The following DMD variants were observed in gnomAD, a reference collection of about 807,000 sequenced individuals.
DMD encodes the protein dystrophin.
DMD carries 63 observed loss-of-function variants against 330.1 expected under a neutral mutation model. The observed-to-expected ratio is 0.19, with a 90% CI of 0.16 to 0.24. The LOEUF (loss-of-function observed/expected upper bound fraction) is 0.24, where lower values mean the gene tolerates loss of function less well. Ranked by LOEUF, DMD falls within the 10% of genes least tolerant of loss-of-function variation. The pLI is 1.00. For synonymous variants in DMD, 1,223 were observed against 959.8 expected, an observed-to-expected ratio of 1.27 and a Z score of -5.07; for missense variants, 3,344 against 2,684.1, an observed-to-expected ratio of 1.25 and a Z score of -5.43.
At chrX:32,515,713 A>T (rs2045791703) in intron 18 of DMD, among the ~76,000 whole-genome samples, 1 of 111,556 alleles carries the variant, frequency 9.0e-6, no homozygotes, top group African/African-American at 3.3e-5. Context: ...TAGAATATTG[A>T]TTCTCGAGCC....
At chrX:32,899,642 C>A (rs754091117) in intron 2 of DMD, among the ~76,000 whole-genome samples, 2 of 101,578 alleles carry the variant, frequency 2.0e-5, no homozygotes, top group African/African-American at 7.3e-5. Context: ...TCACTGCACT[C>A]CAGCCTGGAC....
chrX:31,951,161 A>ATATATATATATATGTATATATATATG (rs2095170987), intron 45 of DMD, among the ~76,000 whole-genome samples: 1 of 86,951 alleles, frequency 1.2e-5, no homozygotes, highest in Non-Finnish European at 2.2e-5. Context: ...ATATATATGT[A>ATATATATATATATGTATATATATATG]TATATATATA....
At chrX:32,044,522 C>T (rs752173546) in intron 44 of DMD, among the ~76,000 whole-genome samples, 33 of 110,552 alleles carry the variant, frequency 3.0e-4, no homozygotes, top group Non-Finnish European at 4.5e-4. Flanking sequence ...CCCAGGTTCA[C>T]GCCATTCTCC....
rs57297863 is a variant in DMD at position 33,136,278 on chromosome X, C to CAAAAAAAA, written c.31+74996_31+75003dup. ...TGGGTGGCAGAGTGAGACCCCGTCTCAAAAAAAAAAAAAAAAAAAAAAAAA... is the reference window on the plus strand; with the variant it reads ...TGGGTGGCAGAGTGAGACCCCGTCTCAAAAAAAAAAAAAAAAAAAAAAAAAAAAAAAAA... On this transcript the variant is annotated intron_variant, in intron 1 of 78. Transcript: ENST00000357033. Among the ~76,000 whole-genome samples, 10 of 19,710 alleles carry CAAAAAAAA rather than the reference C, an allele frequency of 5.1e-4. 2 individuals carry two copies. The highest frequency in any genetic ancestry group is 2.8e-3 in the African/African-American group (10 of 3,540). 17.1% of individuals were successfully genotyped at this position (19,710 alleles called of 115,157 possible). A position where few individuals can be genotyped will look rare whatever the true frequency, so the allele number is the denominator to read the frequency against.
chrX:31,182,317 C>T (rs192529892), intron 68 of DMD, among the ~76,000 whole-genome samples: 2 of 112,244 alleles, frequency 1.8e-5, no homozygotes, highest in African/African-American at 6.5e-5. Flanking sequence ...ATTATGGTTC[C>T]TCCCAGAATA....
At chrX:32,577,814 C>A (rs773657540) in intron 13 of DMD, among the ~76,000 whole-genome samples, 1 of 112,427 alleles carries the variant, frequency 8.9e-6, no homozygotes, top group African/African-American at 3.2e-5. Context: ...GCAAGGCAGG[C>A]ATAGTGCTTT....
intron 50 of DMD, among the ~76,000 whole-genome samples, chrX:31,776,971 G>A: frequency 9.0e-6 from 1 of 111,728 alleles, no homozygotes; most frequent in Non-Finnish European, 1.9e-5. Context: ...ACATCTATCT[G>A]TACACTGCTG....
chrX:32,922,724 G>T (rs1207526740), intron 2 of DMD, among the ~76,000 whole-genome samples: 1 of 112,103 alleles, frequency 8.9e-6, no homozygotes, highest in Admixed American at 9.4e-5. Context: ...AACAGGTCAC[G>T]GACCGATTGG....
chrX:33,036,124 A>AAGAG (rs761957290), intron 1 of DMD, among the ~76,000 whole-genome samples: 35 of 110,881 alleles, frequency 3.2e-4, no homozygotes, highest in African/African-American at 1.1e-3. Flanking sequence ...AAGTTGAATA[A>AAGAG]AGAGAGCGAG....
intron 2 of DMD, among the ~76,000 whole-genome samples, chrX:32,885,519 T>C (rs1401225108): frequency 1.8e-5 from 2 of 111,639 alleles, no homozygotes; most frequent in African/African-American, 3.2e-5. Flanking sequence ...TTTAAAATGA[T>C]TCAGGAGATA....
chrX:31,458,514 CAAAAAA>C, intron 59 of DMD, among the ~76,000 whole-genome samples: 1 of 53,399 alleles, frequency 1.9e-5, no homozygotes, highest in South Asian at 1.0e-3. Flanking sequence ...ATGTGATTTC[CAAAAAA>C]AAAAAAAAAA....
At chrX:32,838,581 C>CT (rs367808252) in intron 4 of DMD, among the ~76,000 whole-genome samples, 42 of 111,727 alleles carry the variant, frequency 3.8e-4, no homozygotes, top group African/African-American at 1.3e-3. Flanking sequence ...TGAACTCATT[C>CT]TTTTTTTATG....
At chrX:33,050,490 C>T (rs746989235) in intron 1 of DMD, among the ~76,000 whole-genome samples, 1 of 111,544 alleles carries the variant, frequency 9.0e-6, no homozygotes, top group Non-Finnish European at 1.9e-5. Context: ...ATATTCTGAA[C>T]GTGTGTACTT....
intron 1 of DMD, among the ~76,000 whole-genome samples, chrX:33,232,760 C>T (rs1055910097): frequency 9.0e-6 from 1 of 110,817 alleles, no homozygotes; most frequent in Non-Finnish European, 1.9e-5. Flanking sequence ...AGCATGGTGG[C>T]GGGCGCCTGC....
chrX:32,519,840 T>A (rs147296431), intron 17 of DMD, among the ~76,000 whole-genome samples: 2,115 of 112,022 alleles, frequency 0.019, 35 homozygotes, highest in African/African-American at 0.065. Flanking sequence ...GATACAGAAA[T>A]TAATGGAACA....
chrX:31,909,763 C>T lies in DMD; in HGVS notation c.6912+19833G>A, dbSNP rs770660506. On this transcript the variant is annotated intron_variant, in intron 47 of 78. Transcript: ENST00000357033. Reference sequence around the variant, plus strand: ...TTACTTGAATATCATAAAAATCTCTCGGTTAGTGTTAACAAATAATAGTTT... The same window carrying T: ...TTACTTGAATATCATAAAAATCTCTTGGTTAGTGTTAACAAATAATAGTTT... Among the ~76,000 whole-genome samples the T allele has an allele frequency of 9.8e-5, 11 of 112,142 alleles. No homozygotes were observed. The East Asian group carries it at 2.0e-3, about 20-fold the overall frequency.
intron 11 of DMD, among the ~76,000 whole-genome samples, chrX:32,621,237 G>A (rs1443751779): frequency 9.0e-6 from 1 of 111,491 alleles, no homozygotes; most frequent in African/African-American, 3.3e-5. Context: ...AGAAAGACCT[G>A]TGAAAGGCCC....
intron 60 of DMD, among the ~76,000 whole-genome samples, chrX:31,406,464 A>G (rs1300951705): frequency 1.8e-5 from 2 of 111,532 alleles, no homozygotes; most frequent in African/African-American, 6.5e-5. Flanking sequence ...ATATGGAGGA[A>G]TCAGGGAAGG....
chrX:31,988,401 G>A (rs775678626), intron 44 of DMD, among the ~76,000 whole-genome samples: 9 of 101,372 alleles, frequency 8.9e-5, no homozygotes, highest in Admixed American at 5.5e-4. Context: ...GTGAACCCGG[G>A]CAGTGGAGCT....
Sources: gnomAD v4.1 joint callset for allele counts (sites outside exome capture counted in the v4.1 genomes callset) on GRCh38, gnomAD v4.1.1 for gene constraint, MANE v1.5 for transcripts, NCBI Gene and HGNC (gene_info 2026-07-23, HGNC 2026-07-21) for gene names.